Variants in NCOA7 observed in about 807,000 individuals in gnomAD.
NCOA7 encodes the protein nuclear receptor coactivator 7.
Under a neutral mutation model 104.3 loss-of-function variants are expected in NCOA7, and 45 were observed. The ratio of observed to expected loss-of-function variants is 0.43; its 90% CI spans 0.34 to 0.55. NCOA7 has a LOEUF of 0.55. Among genes scored for constraint, NCOA7 ranks in the 20% least tolerant of loss-of-function variants. The probability of loss-of-function intolerance (pLI) is 0.02; values close to 1 mark genes in which losing one functional copy is unlikely to be tolerated. For synonymous variants in NCOA7, 398 were observed against 402.3 expected, an observed-to-expected ratio of 0.99 and a Z score of 0.13; for missense variants, 1,041 against 1,119.7, an observed-to-expected ratio of 0.93 and a Z score of 1.00.
At chr6:125,812,934 C>T (rs1192591820) in intron 1 of NCOA7, among the ~76,000 whole-genome samples, 1 of 152,100 alleles carries the variant, frequency 6.6e-6, no homozygotes, top group African/African-American at 2.4e-5. Flanking sequence ...TTCTTGAGTC[C>T]ATCCCTCCTC....
At chr6:125,895,483 A>G (rs913570305) in intron 10 of NCOA7, among the ~76,000 whole-genome samples, 1 of 152,172 alleles carries the variant, frequency 6.6e-6, no homozygotes, top group Admixed American at 6.6e-5. Flanking sequence ...CTATTTTGCA[A>G]TTGGCTTTTT....
At chr6:125,845,064 T>G (rs1780482186) in intron 2 of NCOA7, among the ~76,000 whole-genome samples, 1 of 152,184 alleles carries the variant, frequency 6.6e-6, no homozygotes, top group African/African-American at 2.4e-5. Flanking sequence ...GCATCCAAAG[T>G]ACAAGACGAT....
In NCOA7 at chr6:125,865,233, A is replaced by G. The variant is rs187304892; in HGVS notation, c.272-9656A>G. ...TGGCACCAAAGCCTGACTTATTTCC[A>G]CAAACGAGGAGGACCTTCTCCATGC... On this transcript the variant is annotated intron_variant, in intron 3 of 15. Transcript: ENST00000392477. Among the ~76,000 whole-genome samples the G allele has an allele frequency of 1.5e-3, 214 of 138,746 alleles. 21 individuals are homozygous for G. Among genetic ancestry groups the G allele is most frequent in the East Asian group, 4.0e-3 (19 of 4,744 alleles). 91.0% of individuals were successfully genotyped at this position (138,746 alleles called of 152,430 possible).
chr6:125,842,794 A>C lies in NCOA7; in HGVS notation c.51-12226A>C, dbSNP rs546441376. ...TGAAGTCATCCACCATAAATAAAAA[A>C]TTCACATCTGTAATATTCTAATTGC... On this transcript the variant is annotated intron_variant, in intron 2 of 15. Transcript: ENST00000392477. Among the ~76,000 whole-genome samples, 31 of 152,340 alleles carry C rather than the reference A, an allele frequency of 2.0e-4. 1 individual carries two copies. Among genetic ancestry groups the C allele is most frequent in the African/African-American group, 7.2e-4 (30 of 41,588 alleles).
intron 2 of NCOA7, among the ~76,000 whole-genome samples, chr6:125,840,245 G>T (rs1024224622): frequency 6.6e-6 from 1 of 151,938 alleles, no homozygotes; most frequent in African/African-American, 2.4e-5. Context: ...AGCATATAAA[G>T]AAAATATTTT....
chr6:125,895,248 G>A (rs1462819840), intron 10 of NCOA7, among the ~76,000 whole-genome samples: 1 of 152,158 alleles, frequency 6.6e-6, no homozygotes, highest in Non-Finnish European at 1.5e-5. Flanking sequence ...CAGGAATTAT[G>A]TAGAGTTTCT....
chr6:125,833,437 T>A (rs1484379397), intron 2 of NCOA7, among the ~76,000 whole-genome samples: 1 of 151,716 alleles, frequency 6.6e-6, no homozygotes, highest in Admixed American at 6.6e-5. Flanking sequence ...AATACAAAAA[T>A]TAGCGAGGTG....
chr6:125,863,371 G>A (rs1455563736), intron 3 of NCOA7, among the ~76,000 whole-genome samples: 1 of 138,638 alleles, frequency 7.2e-6, no homozygotes, highest in Non-Finnish European at 1.5e-5. Flanking sequence ...CTGTTGTACT[G>A]TGTGTGAGCT....
At position 125,881,082 on chromosome 6, in the gene NCOA7, A is replaced by G. The variant is rs376239619; in HGVS notation, c.460-8A>G. The G allele has an allele frequency of 4.4e-6, 7 of 1,600,308 alleles. No homozygotes were observed. The highest frequency in any genetic ancestry group is 6.0e-6 in the Non-Finnish European group (7 of 1,167,746). On this transcript the variant is annotated splice_polypyrimidine_tract_variant and splice_region_variant and intron_variant, in intron 5 of 15. Coordinates refer to ENST00000392477, the MANE Select transcript of NCOA7 (RefSeq NM_181782.5). Reference sequence around the variant, plus strand: ...GGTACTCACCCATCTGTTCTCTCCCATTCTCAGGTCCTTTTTGTGCCAGAT... The same window carrying G: ...GGTACTCACCCATCTGTTCTCTCCCGTTCTCAGGTCCTTTTTGTGCCAGAT...
At chr6:125,812,681 C>T (rs1243909613) in intron 1 of NCOA7, among the ~76,000 whole-genome samples, 1 of 152,204 alleles carries the variant, frequency 6.6e-6, no homozygotes, top group Non-Finnish European at 1.5e-5. Flanking sequence ...TGGTGAATGT[C>T]TCCAACTCCA....
chr6:125,866,706 G>A (rs1782469135), intron 3 of NCOA7, among the ~76,000 whole-genome samples: 1 of 152,148 alleles, frequency 6.6e-6, no homozygotes, highest in Non-Finnish European at 1.5e-5. Flanking sequence ...TGATATTTAT[G>A]GGGAAATCCA....
Position 125,927,851 on chromosome 6 carries a change from A to G in NCOA7, c.2619+93A>G. 3.8e-6 allele frequency: 4 copies of G among 1,055,772 alleles called. No individual in the cohort carries two copies. The South Asian group carries it at 5.1e-5, about 13-fold the overall frequency. The allele number at this position is 1,055,772 out of a possible 1,614,324, so 65.4% of individuals were successfully genotyped here. A position where few individuals can be genotyped will look rare whatever the true frequency, so the allele number is the denominator to read the frequency against. On this transcript the variant is annotated intron_variant, in intron 14 of 15. Coordinates refer to ENST00000392477, the MANE Select transcript of NCOA7 (RefSeq NM_181782.5). The stretch of plus-strand genomic sequence containing the variant: ...CATTGGGGCAGCTAGCTGTCCTGTA[A>G]CTTCTCCTGAACTGACTCCGGGCTG...
upstream of NCOA7, among the ~76,000 whole-genome samples, chr6:125,790,554 C>T (rs879280756): frequency 4.6e-5 from 7 of 152,098 alleles, no homozygotes; most frequent in Admixed American, 4.6e-4. Flanking sequence ...GGGTGCCCAG[C>T]CTCCCAGCTC....
chr6:125,784,469 T>C (rs992675687), intron 1 of NCOA7, among the ~76,000 whole-genome samples: 7 of 152,210 alleles, frequency 4.6e-5, no homozygotes, highest in Non-Finnish European at 1.0e-4. Flanking sequence ...CTCTAGAAAA[T>C]AGTTTGGCAG....
In NCOA7 at chr6:125,926,439, G is replaced by A. The variant is rs376778848; in HGVS notation, c.2524-1224G>A. ...AGAGAGGGAACTCATTTTCTTCCAC[G>A]TATTTGTCATATTTTGTCATATTTT... On this transcript the variant is annotated intron_variant, in intron 13 of 15. Coordinates refer to ENST00000392477, the MANE Select transcript of NCOA7 (RefSeq NM_181782.5). Among the ~76,000 whole-genome samples, 19 of 152,126 alleles carry A rather than the reference G, an allele frequency of 1.2e-4. No homozygotes were observed. The South Asian group carries it at 2.1e-3, about 17-fold the overall frequency.
chr6:125,814,310 A>G (rs569936352), intron 1 of NCOA7, among the ~76,000 whole-genome samples: 7 of 152,214 alleles, frequency 4.6e-5, no homozygotes, highest in South Asian at 2.1e-4. Context: ...GTGCACCACC[A>G]TGCCTGTCTA....
At chr6:125,841,685 A>T (rs1333811066) in intron 2 of NCOA7, among the ~76,000 whole-genome samples, 1 of 152,108 alleles carries the variant, frequency 6.6e-6, no homozygotes, top group African/African-American at 2.4e-5. Flanking sequence ...AGAGTTCTGC[A>T]CTAACTTTAG....
intron 2 of NCOA7, among the ~76,000 whole-genome samples, chr6:125,843,985 A>G (rs1376408869): frequency 6.6e-6 from 1 of 152,208 alleles, no homozygotes; most frequent in Non-Finnish European, 1.5e-5. Context: ...GTTTTCTGAA[A>G]TGTCCCACCC....
chr6:125,821,228 A>C (rs1778146862), intron 2 of NCOA7, among the ~76,000 whole-genome samples: 1 of 152,186 alleles, frequency 6.6e-6, no homozygotes, highest in African/African-American at 2.4e-5. Flanking sequence ...TTTTGTAAAA[A>C]GTGATCCAGA....
Sources: allele counts gnomAD v4.1 joint callset (sites outside exome capture counted in the v4.1 genomes callset), GRCh38; gene constraint gnomAD v4.1.1; transcripts MANE v1.5; gene names NCBI Gene and HGNC (gene_info 2026-07-23, HGNC 2026-07-21).